SHISA9: variants seen among roughly 807,000 people sequenced by gnomAD.
SHISA9 encodes shisa family member 9.
SHISA9 carries 13 observed loss-of-function variants against 38.0 expected under a neutral mutation model. That is an observed-to-expected ratio of 0.34 (90% confidence interval 0.22 to 0.54). SHISA9 has a LOEUF of 0.54. Ranked by LOEUF, SHISA9 falls within the 20% of genes least tolerant of loss-of-function variation. The pLI is 0.91. For synonymous variants in SHISA9, 275 were observed against 242.0 expected (o/e 1.14, Z -1.27); for missense variants, 538 against 575.8 (o/e 0.93, Z 0.67).
chr16:13,123,595 G>C (rs1006296104), intron 2 of SHISA9, among the ~76,000 whole-genome samples: 2 of 152,250 alleles, frequency 1.3e-5, no homozygotes, highest in African/African-American at 4.8e-5. Context: ...ACAAAGGTCT[G>C]AGATAGATGG....
In SHISA9 at chr16:12,909,638, C is replaced by T. The variant is rs2071153313; in HGVS notation, c.563+7011C>T. The T allele has an allele frequency of 3.1e-6, 3 of 981,162 alleles. No homozygotes were observed. The Admixed American group carries it at 1.8e-4, about 60-fold the overall frequency. 60.8% of individuals were successfully genotyped at this position (981,162 alleles called of 1,614,324 possible). A position where few individuals can be genotyped will look rare whatever the true frequency, so the allele number is the denominator to read the frequency against. On this transcript the variant is annotated intron_variant, in intron 1 of 4. Coordinates refer to ENST00000558583, the MANE Select transcript of SHISA9 (RefSeq NM_001145204.3). ...TGGTCCCTCCTCATCACCAGGGTCC[C>T]AGCTCCAATGTCATCTTCTCTGAGA...
At chr16:13,397,303 A>T in the SHISA9 span, among the ~76,000 whole-genome samples, 2 of 151,438 alleles carry the variant, frequency 1.3e-5, no homozygotes, top group African/African-American at 2.4e-5. Flanking sequence ...TGCTGCTGAA[A>T]CCCCTAGGGG....
At chr16:13,288,520 G>A in the SHISA9 span, among the ~76,000 whole-genome samples, 1 of 152,136 alleles carries the variant, frequency 6.6e-6, no homozygotes, top group Non-Finnish European at 1.5e-5. Context: ...TTTCGGCCAG[G>A]TGGGGTGGCT....
At position 13,202,549 on chromosome 16, in the gene SHISA9, T is replaced by G. The variant is rs148038887; in HGVS notation, c.692-845T>G. Among the ~76,000 whole-genome samples, 846 of 86,716 alleles carry G rather than the reference T, an allele frequency of 9.8e-3. 200 individuals carry two copies. The highest frequency in any genetic ancestry group is 0.041 in the African/African-American group (811 of 19,988). The allele number at this position is 86,716 out of a possible 152,430, so 56.9% of individuals were successfully genotyped here. A position where few individuals can be genotyped will look rare whatever the true frequency, so the allele number is the denominator to read the frequency against. ...TATTACTTAACAAAAAATGCTATAC[T>G]ATTTGCTTTCCTTTAAAGCTTCCTT... On this transcript the variant is annotated intron_variant, in intron 2 of 4. Transcript: ENST00000558583.
intron 2 of SHISA9, among the ~76,000 whole-genome samples, chr16:13,131,631 GA>G (rs61589895): frequency 8.7e-5 from 13 of 150,150 alleles, no homozygotes; most frequent in East Asian, 5.8e-4. Flanking sequence ...AAAGTTGATG[GA>G]AAAAAAAAGG....
the SHISA9 span, among the ~76,000 whole-genome samples, chr16:13,286,918 A>C: frequency 1.3e-5 from 2 of 152,156 alleles, no homozygotes; most frequent in African/African-American, 4.8e-5. Context: ...TTTTTTATTA[A>C]GAACTAAGCT....
chr16:13,473,675 G>A, the SHISA9 span, among the ~76,000 whole-genome samples: 1 of 151,946 alleles, frequency 6.6e-6, no homozygotes, highest in Non-Finnish European at 1.5e-5. Context: ...CTACCTAACA[G>A]TTATCCCTCC....
chr16:13,322,579 C>G, the SHISA9 span, among the ~76,000 whole-genome samples: 4 of 152,128 alleles, frequency 2.6e-5, no homozygotes, highest in African/African-American at 9.7e-5. Context: ...GGAGGCTAGT[C>G]AAGGCCTATT....
At chr16:13,225,280 G>T (rs1352207193) in intron 4 of SHISA9, among the ~76,000 whole-genome samples, 1 of 152,128 alleles carries the variant, frequency 6.6e-6, no homozygotes, top group East Asian at 1.9e-4. Context: ...CCAACTTCTG[G>T]CCTTTGGAAC....
the SHISA9 span, among the ~76,000 whole-genome samples, chr16:13,479,315 A>G: frequency 2.6e-5 from 4 of 152,298 alleles, no homozygotes; most frequent in South Asian, 6.2e-4. Flanking sequence ...CACTTTTGCC[A>G]TGTAGGTAGC....
the SHISA9 span, among the ~76,000 whole-genome samples, chr16:13,536,143 C>G: frequency 6.6e-6 from 1 of 152,124 alleles, no homozygotes; most frequent in African/African-American, 2.4e-5. Flanking sequence ...GTACTACAGG[C>G]ACGTGCCACC....
chr16:13,530,292 C>T, the SHISA9 span, among the ~76,000 whole-genome samples: 1 of 152,152 alleles, frequency 6.6e-6, no homozygotes, highest in East Asian at 1.9e-4. Context: ...CAGAGTGAGA[C>T]TCCGTCTCAA....
chr16:13,342,959 C>A, the SHISA9 span, among the ~76,000 whole-genome samples: 1 of 152,172 alleles, frequency 6.6e-6, no homozygotes, highest in Non-Finnish European at 1.5e-5. Context: ...CTTTTCTGCT[C>A]TCAAAGATCT....
chr16:13,425,055 CAT>C, the SHISA9 span, among the ~76,000 whole-genome samples: 1 of 152,212 alleles, frequency 6.6e-6, no homozygotes, highest in Admixed American at 6.5e-5. Flanking sequence ...TTTGCAGCAA[CAT>C]AGTTGCAGCT....
chr16:13,203,998 C>G (rs2051034387), intron 3 of SHISA9, among the ~76,000 whole-genome samples: 1 of 152,232 alleles, frequency 6.6e-6, no homozygotes, highest in Non-Finnish European at 1.5e-5. Flanking sequence ...CACCTATTCA[C>G]TTATCCATCT....
chr16:12,935,558 A>G (rs1412962196), intron 2 of SHISA9, among the ~76,000 whole-genome samples: 2 of 152,094 alleles, frequency 1.3e-5, no homozygotes, highest in East Asian at 3.9e-4. Flanking sequence ...GAATAATTAG[A>G]AGGGACAGGC....
intron 2 of SHISA9, among the ~76,000 whole-genome samples, chr16:13,191,143 G>C (rs758773870): frequency 2.0e-5 from 3 of 152,212 alleles, no homozygotes; most frequent in South Asian, 2.1e-4. Flanking sequence ...CCCTCAAAAA[G>C]GTTGCTGGCA....
intron 2 of SHISA9, among the ~76,000 whole-genome samples, chr16:13,079,914 C>T (rs183036879): frequency 3.9e-5 from 6 of 152,224 alleles, no homozygotes; most frequent in Non-Finnish European, 8.8e-5. Context: ...GTGGTGTTAA[C>T]ACTACACATT....
intron 2 of SHISA9, among the ~76,000 whole-genome samples, chr16:13,066,939 G>A (rs1237667283): frequency 6.6e-6 from 1 of 152,206 alleles, no homozygotes; most frequent in Admixed American, 6.5e-5. Context: ...TTAGGTCACA[G>A]TCTGAACACT....
Sources: gnomAD v4.1 joint callset for allele counts (sites outside exome capture counted in the v4.1 genomes callset) on GRCh38, gnomAD v4.1.1 for gene constraint, MANE v1.5 for transcripts, NCBI Gene and HGNC (gene_info 2026-07-23, HGNC 2026-07-21) for gene names.